Variants in CCDC90B observed in about 807,000 individuals in gnomAD.
CCDC90B encodes coiled-coil domain containing 90B.
CCDC90B carries 24 observed loss-of-function variants against 37.0 expected under a neutral mutation model. The observed-to-expected ratio is 0.65, with a 90% CI of 0.47 to 0.91. The LOEUF (loss-of-function observed/expected upper bound fraction) is 0.91, where lower values mean the gene tolerates loss of function less well. Among genes scored for constraint, CCDC90B ranks in the 40% least tolerant of loss-of-function variants. The pLI, the probability that CCDC90B is intolerant of heterozygous loss-of-function variation, is 0.00. For synonymous variants in CCDC90B, 113 were observed against 101.1 expected (o/e 1.12, Z -0.71); for missense variants, 319 against 299.0 (o/e 1.07, Z -0.49).
intron 1 of CCDC90B, chr11:83,284,980 C>T (rs1865593959): frequency 2.8e-6 from 1 of 362,362 alleles, no homozygotes; most frequent in Non-Finnish European, 4.4e-6. Flanking sequence ...ACAGCAATCT[C>T]ACAGATGGAG....
Position 83,273,787 on chromosome 11 carries a change from C to T in CCDC90B, c.540+6G>A. 6.2e-7 allele frequency: 1 copy of T among 1,605,918 alleles called. No homozygotes were observed. The highest frequency in any genetic ancestry group is 2.2e-5 in the East Asian group (1 of 44,714). On this transcript the variant is annotated splice_donor_region_variant and intron_variant, in intron 6 of 8. Transcript: ENST00000529689. The stretch of plus-strand genomic sequence containing the variant: ...AACCAAGAAAGTACATTTAAAAGAA[C>T]ATTACCATATCTGTTACTCTGCTCC...
chr11:83,272,439 ATGTG>A (rs1864738157), intron 7 of CCDC90B, among the ~76,000 whole-genome samples: 1 of 152,174 alleles, frequency 6.6e-6, no homozygotes, highest in South Asian at 2.1e-4. Flanking sequence ...CTATCATTTT[ATGTG>A]TGTGAAGTCC....
intron 1 of CCDC90B, among the ~76,000 whole-genome samples, chr11:83,280,678 C>T (rs1865333943): frequency 6.6e-6 from 1 of 152,216 alleles, no homozygotes; most frequent in African/African-American, 2.4e-5. Flanking sequence ...AAGTAGCTTT[C>T]CATACTCCCA....
At chr11:83,262,320 T>C (rs1265717576) in intron 8 of CCDC90B, among the ~76,000 whole-genome samples, 3 of 152,168 alleles carry the variant, frequency 2.0e-5, no homozygotes, top group African/African-American at 7.2e-5. Flanking sequence ...AAAAATTACG[T>C]AGTTAGGCTA....
At chr11:83,280,794 G>A (rs1865340359) in intron 1 of CCDC90B, among the ~76,000 whole-genome samples, 1 of 152,172 alleles carries the variant, frequency 6.6e-6, no homozygotes, top group African/African-American at 2.4e-5. Context: ...GTTCCATGAT[G>A]CTTTGACTGT....
chr11:83,277,724 G>C (rs560490125), intron 3 of CCDC90B, among the ~76,000 whole-genome samples: 2 of 151,392 alleles, frequency 1.3e-5, no homozygotes, highest in East Asian at 3.9e-4. Flanking sequence ...TTGAACTCCT[G>C]ACCTCAAGTG....
intron 7 of CCDC90B, among the ~76,000 whole-genome samples, chr11:83,270,261 C>T (rs1334361437): frequency 6.6e-6 from 1 of 152,326 alleles, no homozygotes; most frequent in East Asian, 1.9e-4. Flanking sequence ...AGGATGCCCT[C>T]TCTCATCACT....
rs543188233 is a variant in CCDC90B at position 83,270,148 on chromosome 11, C to T, written c.594+3499G>A. ...CCCAATAAACTAGGTATTGATGGAA[C>T]GTATCTCAAAACAATAAGAGCTATT... On this transcript the variant is annotated intron_variant, in intron 7 of 8. Transcript: ENST00000529689. Among the ~76,000 whole-genome samples, 5 of 152,238 alleles carry T rather than the reference C, an allele frequency of 3.3e-5. No individual in the cohort carries two copies. The East Asian group carries it at 7.7e-4, about 24-fold the overall frequency.
At chr11:83,269,356 CAATG>C (rs978222638) in intron 7 of CCDC90B, among the ~76,000 whole-genome samples, 29 of 151,810 alleles carry the variant, frequency 1.9e-4, no homozygotes, top group African/African-American at 6.8e-4. Context: ...AAAAAACAAT[CAATG>C]AACCTAGGAG....
chr11:83,275,682 G>A (rs1864982231), intron 3 of CCDC90B, among the ~76,000 whole-genome samples: 1 of 152,066 alleles, frequency 6.6e-6, no homozygotes, highest in Non-Finnish European at 1.5e-5. Context: ...CCTTATTAAG[G>A]ACTCTGTATA....
chr11:83,285,122 C>A, intron 1 of CCDC90B: 2 of 1,245,080 alleles, frequency 1.6e-6, no homozygotes, highest in Non-Finnish European at 1.0e-6. Flanking sequence ...AATGGCTCAG[C>A]GTACCTGGCA....
chr11:83,280,239 T>G lies in CCDC90B; in HGVS notation c.122A>C (p.Lys41Thr), dbSNP rs776529576. The change falls in exon 2 of 9, where the codon AAG (lysine) becomes ACG (threonine). Residue 41 changes from lysine to threonine, a missense_variant. Transcript: ENST00000529689. ...LRREFFTTTT[K>T]EGYDRRPVDI... ...CACTGGCCGCCTATCATATCCCTCC[T>G]TGGTTGTGGTAGTGAAGAACTCTGA... 6.2e-7 allele frequency: 1 copy of G among 1,613,248 alleles called. No homozygotes were observed. Among genetic ancestry groups the G allele is most frequent in the Admixed American group, 1.7e-5 (1 of 59,966 alleles).
At chr11:83,278,907 A>C (rs1865208805) in intron 2 of CCDC90B, 78 bp from the exon 3 acceptor site, 1 of 744,754 alleles carries the variant, frequency 1.3e-6, no homozygotes, top group South Asian at 1.6e-5. Flanking sequence ...GTAACTCCTC[A>C]ACATTTAAAT....
At chr11:83,271,370 C>T (rs1327314929) in intron 7 of CCDC90B, among the ~76,000 whole-genome samples, 1 of 152,042 alleles carries the variant, frequency 6.6e-6, no homozygotes, top group Non-Finnish European at 1.5e-5. Flanking sequence ...TTGCAATCTA[C>T]CCATCTGACA....
chr11:83,283,072 A>AAC (rs397829125), intron 1 of CCDC90B, among the ~76,000 whole-genome samples: 1 of 150,994 alleles, frequency 6.6e-6, no homozygotes, highest in Non-Finnish European at 1.5e-5. Flanking sequence ...CTTTACAGAA[A>AAC]GTTTGTCAAC....
intron 7 of CCDC90B, chr11:83,267,292 CA>C (rs1387240538): frequency 6.6e-6 from 1 of 152,112 alleles, no homozygotes; most frequent in Admixed American, 6.5e-5. Context: ...GCAGGCTTCA[CA>C]AGGTCGGTAA....
Position 83,286,346 on chromosome 11 carries a change from C to T in CCDC90B, c.-374G>A. ...GCCAGCGGCCATTACGCGCTTGGGT[C>T]GGGGGAGATGGAGTCGCATTTAGCC... On this transcript the variant is annotated 5_prime_UTR_variant, in exon 1 of 9. Coordinates refer to ENST00000529689, the MANE Select transcript of CCDC90B (RefSeq NM_021825.5). 2.8e-6 allele frequency: 2 copies of T among 703,144 alleles called. No individual in the cohort carries two copies. The highest frequency in any genetic ancestry group is 2.9e-5 in the Admixed American group (1 of 34,162). 43.6% of individuals were successfully genotyped at this position (703,144 alleles called of 1,614,324 possible).
chr11:83,277,772 A>T (rs1350736288), intron 3 of CCDC90B, among the ~76,000 whole-genome samples: 1 of 152,156 alleles, frequency 6.6e-6, no homozygotes, highest in Non-Finnish European at 1.5e-5. Context: ...ATGGGATTAC[A>T]GGTGTGACCC....
At chr11:83,283,178 T>C (rs557408001) in intron 1 of CCDC90B, among the ~76,000 whole-genome samples, 3 of 152,346 alleles carry the variant, frequency 2.0e-5, no homozygotes, top group South Asian at 4.1e-4. Context: ...GGATGCTCCA[T>C]AGATACTTGC....
Sources: gnomAD v4.1 joint callset for allele counts (sites outside exome capture counted in the v4.1 genomes callset) on GRCh38, gnomAD v4.1.1 for gene constraint, MANE v1.5 for transcripts, NCBI Gene and HGNC (gene_info 2026-07-23, HGNC 2026-07-21) for gene names.